RCAN1: variants seen among roughly 807,000 people sequenced by gnomAD.
RCAN1 encodes regulator of calcineurin 1.
RCAN1 carries 11 observed loss-of-function variants against 22.9 expected under a neutral mutation model. The observed-to-expected ratio is 0.48, with a 90% confidence interval of 0.30 to 0.79. The LOEUF (loss-of-function observed/expected upper bound fraction) is 0.79, where lower values mean the gene tolerates loss of function less well. Among genes scored for constraint, RCAN1 ranks in the 30% least tolerant of loss-of-function variants. The probability of loss-of-function intolerance (pLI) is 0.06; values close to 1 mark genes in which losing one functional copy is unlikely to be tolerated. For missense variants in RCAN1, 291 were observed against 337.8 expected, an observed-to-expected ratio of 0.86 and a Z score of 1.09; for synonymous variants, 136 against 142.3, an observed-to-expected ratio of 0.96 and a Z score of 0.32.
rs1386399673 is a variant in RCAN1 at position 34,614,676 on chromosome 21, G to A, written c.252+84C>T. 3.9e-5 allele frequency: 49 copies of A among 1,251,060 alleles called. 1 individual carries two copies. The Admixed American group carries it at 1.9e-3, about 49-fold the overall frequency. 77.5% of individuals were successfully genotyped at this position (1,251,060 alleles called of 1,614,324 possible). A position where few individuals can be genotyped will look rare whatever the true frequency, so the allele number is the denominator to read the frequency against. ...GCCTCCCCGCCCCGCGCGCGGCCGG[G>A]ACTGGGCGCTGCGACCCGCGCCGCC... On this transcript the variant is annotated intron_variant, in intron 1 of 3. Coordinates refer to ENST00000313806, the MANE Select transcript of RCAN1 (RefSeq NM_004414.7). The surrounding 1 kb of genome is among the most constrained non-coding windows in gnomAD (Gnocchi z 6.0).
chr21:34,571,567 T>A (rs1407735870), intron 1 of RCAN1, among the ~76,000 whole-genome samples: 1 of 152,082 alleles, frequency 6.6e-6, no homozygotes, highest in African/African-American at 2.4e-5. Context: ...ACAGATAAAA[T>A]TTTTTTTGAG....
intron 1 of RCAN1, among the ~76,000 whole-genome samples, chr21:34,596,220 G>T (rs1384359361): frequency 5.9e-5 from 9 of 152,190 alleles, no homozygotes; most frequent in Non-Finnish European, 1.0e-4. Flanking sequence ...CAAGTGCCCG[G>T]CCTTCTTAAC....
intron 1 of RCAN1, among the ~76,000 whole-genome samples, chr21:34,570,206 C>T (rs181694892): frequency 4.1e-4 from 63 of 152,190 alleles, no homozygotes; most frequent in African/African-American, 1.5e-3. Flanking sequence ...TGAAAAAGGG[C>T]CTTTCCTTTC....
intron 1 of RCAN1, among the ~76,000 whole-genome samples, chr21:34,586,679 G>T (rs770446637): frequency 6.6e-6 from 1 of 152,164 alleles, no homozygotes; most frequent in Non-Finnish European, 1.5e-5. Context: ...AAGGACAGGC[G>T]CAGTGGCTCA....
chr21:34,586,817 G>A (rs1987814985), intron 1 of RCAN1, among the ~76,000 whole-genome samples: 1 of 152,142 alleles, frequency 6.6e-6, no homozygotes, highest in Non-Finnish European at 1.5e-5. Context: ...AGCCAGGCAT[G>A]GTGGCAGGCT....
At chr21:34,580,075 C>T (rs1001890517) in intron 1 of RCAN1, among the ~76,000 whole-genome samples, 1 of 152,188 alleles carries the variant, frequency 6.6e-6, no homozygotes, top group Non-Finnish European at 1.5e-5. Flanking sequence ...TTCAGACCCA[C>T]CGTGTCTGCA....
chr21:34,588,440 T>C (rs1172605525), intron 1 of RCAN1, among the ~76,000 whole-genome samples: 1 of 152,262 alleles, frequency 6.6e-6, no homozygotes, highest in Non-Finnish European at 1.5e-5. Context: ...TATTTTTCTG[T>C]ATGTATGTTA....
At chr21:34,526,979 T>C in intron 1 of RCAN1, 2 of 1,337,594 alleles carry the variant, frequency 1.5e-6, no homozygotes, top group East Asian at 3.3e-5. Context: ...AAAGTGTAAG[T>C]TTCTACTGGA....
intron 1 of RCAN1, among the ~76,000 whole-genome samples, chr21:34,553,049 T>C (rs1986426182): frequency 6.6e-6 from 1 of 152,316 alleles, no homozygotes; most frequent in African/African-American, 2.4e-5. Context: ...GCAACTACCT[T>C]CTAGACCATA....
At chr21:34,531,306 C>T (rs953033653) in intron 1 of RCAN1, among the ~76,000 whole-genome samples, 2 of 152,220 alleles carry the variant, frequency 1.3e-5, no homozygotes, top group Non-Finnish European at 2.9e-5. Context: ...GCAGATTCCA[C>T]GCTTGTTCCA....
intron 1 of RCAN1, among the ~76,000 whole-genome samples, chr21:34,541,891 G>A (rs753928575): frequency 1.1e-4 from 17 of 152,142 alleles, no homozygotes; most frequent in Non-Finnish European, 2.1e-4. Flanking sequence ...CTCAGATTGC[G>A]CCACTGCACT....
At chr21:34,524,116 C>G (rs995665541) in intron 1 of RCAN1, 21 of 156,220 alleles carry the variant, frequency 1.3e-4, no homozygotes, top group African/African-American at 5.1e-4. Flanking sequence ...GATCATCAAT[C>G]CTTTCAAGAA....
chr21:34,574,216 T>C (rs1448731939), intron 1 of RCAN1, among the ~76,000 whole-genome samples: 3 of 152,192 alleles, frequency 2.0e-5, no homozygotes, highest in Admixed American at 1.3e-4. Flanking sequence ...TGGACTGACA[T>C]CAGTCTTTGC....
chr21:34,597,983 G>T (rs2123720794), intron 1 of RCAN1, among the ~76,000 whole-genome samples: 1 of 152,148 alleles, frequency 6.6e-6, no homozygotes, highest in South Asian at 2.1e-4. Flanking sequence ...ACAAATTAAA[G>T]AAATAGATAG....
rs180676608 is a variant in RCAN1, at chr21:34,586,909, G to A, written c.252+27851C>T. Among the ~76,000 whole-genome samples, 950 of 151,820 alleles carry A rather than the reference G, an allele frequency of 6.3e-3. 10 individuals carry two copies. Among genetic ancestry groups the A allele is most frequent in the Non-Finnish European group, 0.011 (718 of 67,974 alleles). ...ACAGAGGTTGCAGTGAGTTGAGATCGCACCATTGCACTCCAGCCTGAGCAA... is the reference window on the plus strand; with the variant it reads ...ACAGAGGTTGCAGTGAGTTGAGATCACACCATTGCACTCCAGCCTGAGCAA... On this transcript the variant is annotated intron_variant, in intron 1 of 3. Transcript: ENST00000313806.
intron 1 of RCAN1, among the ~76,000 whole-genome samples, chr21:34,553,510 T>C (rs909387380): frequency 3.3e-5 from 5 of 152,236 alleles, no homozygotes; most frequent in African/African-American, 1.2e-4. Flanking sequence ...TAGTTTTCCA[T>C]GGCTGATTCA....
chr21:34,600,373 G>C (rs1187657146), intron 1 of RCAN1, among the ~76,000 whole-genome samples: 8 of 152,110 alleles, frequency 5.3e-5, no homozygotes, highest in Admixed American at 5.2e-4. Context: ...CCACCTCCTA[G>C]CAGGGTGCTG....
intron 1 of RCAN1, among the ~76,000 whole-genome samples, chr21:34,530,905 G>C (rs567141760): frequency 1.0e-3 from 157 of 152,224 alleles, no homozygotes; most frequent in Middle Eastern, 3.4e-3. Context: ...TAGTTTTACT[G>C]TTACTTCACA....
chr21:34,587,306 C>A (rs190438025), intron 1 of RCAN1, among the ~76,000 whole-genome samples: 1 of 152,184 alleles, frequency 6.6e-6, no homozygotes, highest in African/African-American at 2.4e-5. Flanking sequence ...TAAAAACATT[C>A]TCAAAAGAAA....
Sources: allele counts gnomAD v4.1 joint callset (sites outside exome capture counted in the v4.1 genomes callset), GRCh38; gene constraint gnomAD v4.1.1; non-coding constraint Gnocchi (gnomAD v3.1); transcripts MANE v1.5; gene names NCBI Gene and HGNC (gene_info 2026-07-23, HGNC 2026-07-21).